Variants in IQGAP2 observed in about 807,000 individuals in gnomAD.
IQGAP2 encodes the protein ras GTPase-activating-like protein IQGAP2.
IQGAP2 carries 173 observed loss-of-function variants against 201.3 expected under a neutral mutation model. The ratio of observed to expected loss-of-function variants is 0.86; its 90% confidence interval spans 0.76 to 0.98. The LOEUF (loss-of-function observed/expected upper bound fraction) is 0.98. Among genes scored for constraint, IQGAP2 ranks in the 50% least tolerant of loss-of-function variants. The pLI, the probability that IQGAP2 is intolerant of heterozygous loss-of-function variation, is 0.00. For synonymous variants in IQGAP2, 675 were observed against 673.9 expected (o/e 1.00, Z -0.03); for missense variants, 1,687 against 1,864.8 (o/e 0.90, Z 1.76).
At position 76,623,286 on chromosome 5, in the gene IQGAP2, C is replaced by T. The variant is rs904459722; in HGVS notation, c.1522-4124C>T. 2.6e-5 allele frequency: 41 copies of T among 1,587,642 alleles called. 1 individual carries two copies. Among genetic ancestry groups the T allele is most frequent in the East Asian group, 2.0e-4 (9 of 44,760 alleles). The stretch of plus-strand genomic sequence containing the variant: ...TTATGAAATCTGTAAAATCATGGAG[C>T]ACAATTTCACCTCAGTTCCATGTGT... On this transcript the variant is annotated intron_variant, in intron 13 of 35. Coordinates refer to ENST00000274364, the MANE Select transcript of IQGAP2 (RefSeq NM_006633.5).
chr5:76,573,175 A>G (rs1015007894), intron 4 of IQGAP2, among the ~76,000 whole-genome samples: 1 of 152,242 alleles, frequency 6.6e-6, no homozygotes, highest in Non-Finnish European at 1.5e-5. Flanking sequence ...GCAACATCAA[A>G]TTCAGATAAT....
intron 13 of IQGAP2, chr5:76,618,732 A>G (rs1038273101): frequency 5.3e-6 from 6 of 1,125,260 alleles, no homozygotes; most frequent in Non-Finnish European, 7.6e-6. Flanking sequence ...CTGTGATTGT[A>G]GAATTTAAGA....
intron 16 of IQGAP2, among the ~76,000 whole-genome samples, chr5:76,639,909 A>G (rs1751433801): frequency 6.6e-6 from 1 of 152,248 alleles, no homozygotes; most frequent in African/African-American, 2.4e-5. Flanking sequence ...TTATAGACAT[A>G]CTAAAAATTT....
chr5:76,587,258 T>C (rs962892596), intron 5 of IQGAP2, among the ~76,000 whole-genome samples: 5 of 152,226 alleles, frequency 3.3e-5, no homozygotes, highest in Admixed American at 1.3e-4. Context: ...TAAGATCACA[T>C]TTGGACAGTA....
chr5:76,424,332 G>A (rs559013066), intron 1 of IQGAP2, among the ~76,000 whole-genome samples: 4 of 151,224 alleles, frequency 2.6e-5, no homozygotes, highest in African/African-American at 7.3e-5. Flanking sequence ...TTTTTGAGAC[G>A]AAGTTTTGCT....
At chr5:76,543,965 T>G (rs757661337) in intron 2 of IQGAP2, among the ~76,000 whole-genome samples, 2 of 152,192 alleles carry the variant, frequency 1.3e-5, no homozygotes, top group Non-Finnish European at 2.9e-5. Context: ...GGTACTTAAC[T>G]ATCTGTCTGG....
chr5:76,664,945 TG>T, intron 21 of IQGAP2, 80 bp from the exon 22 acceptor site: 1 of 786,358 alleles, frequency 1.3e-6, no homozygotes, highest in Admixed American at 2.4e-5. Context: ...TCCAATTACG[TG>T]TGTTTCAATC....
intron 1 of IQGAP2, among the ~76,000 whole-genome samples, chr5:76,459,253 C>T (rs1049773803): frequency 2.0e-5 from 3 of 152,010 alleles, no homozygotes; most frequent in African/African-American, 4.8e-5. Flanking sequence ...GGGCAGAGGC[C>T]GAGGGACGGG....
chr5:76,676,634 G>A lies in IQGAP2; in HGVS notation c.3528-584G>A, dbSNP rs553972097. On this transcript the variant is annotated intron_variant, in intron 27 of 35. Transcript: ENST00000274364. ...TTTAGCTTAAAATAGACTTTTTAGGGTCTGAGTCCTGGGACATGTTATGTA... is the reference window on the plus strand; with the variant it reads ...TTTAGCTTAAAATAGACTTTTTAGGATCTGAGTCCTGGGACATGTTATGTA... Among the ~76,000 whole-genome samples, 27 of 152,276 alleles carry A rather than the reference G, an allele frequency of 1.8e-4. No homozygotes were observed. The South Asian group carries it at 5.2e-3, about 29-fold the overall frequency.
chr5:76,441,607 A>C, intron 1 of IQGAP2: 2 of 715,408 alleles, frequency 2.8e-6, no homozygotes, highest in Non-Finnish European at 3.4e-6. Context: ...GCTGATTTTC[A>C]CTTCTGGTTC....
At chr5:76,637,798 A>G (rs1198162182) in intron 16 of IQGAP2, among the ~76,000 whole-genome samples, 3 of 152,224 alleles carry the variant, frequency 2.0e-5, no homozygotes, top group African/African-American at 4.8e-5. Flanking sequence ...AAACATCACA[A>G]TTGAGTGTAT....
chr5:76,559,508 G>A (rs1744187214), intron 2 of IQGAP2, among the ~76,000 whole-genome samples: 1 of 152,184 alleles, frequency 6.6e-6, no homozygotes, highest in South Asian at 2.1e-4. Flanking sequence ...AGCTTCACGG[G>A]AAGGCCCAGC....
intron 13 of IQGAP2, among the ~76,000 whole-genome samples, chr5:76,626,595 T>TA (rs1172871633): frequency 6.6e-6 from 1 of 152,098 alleles, no homozygotes; most frequent in Non-Finnish European, 1.5e-5. Flanking sequence ...ATCTGTCTCT[T>TA]ACACTACATT....
intron 2 of IQGAP2, among the ~76,000 whole-genome samples, chr5:76,508,240 A>G (rs1469440552): frequency 1.3e-5 from 2 of 149,302 alleles, no homozygotes; most frequent in South Asian, 2.2e-4. Context: ...AGGCTGAGGC[A>G]TGAGAATTGC....
chr5:76,511,894 A>G (rs1459872472), intron 2 of IQGAP2, among the ~76,000 whole-genome samples: 1 of 151,784 alleles, frequency 6.6e-6, no homozygotes, highest in Non-Finnish European at 1.5e-5. Flanking sequence ...TTTAGCCAGG[A>G]TGGTCTCGAT....
At chr5:76,519,621 G>C (rs1297049036) in intron 2 of IQGAP2, among the ~76,000 whole-genome samples, 1 of 152,202 alleles carries the variant, frequency 6.6e-6, no homozygotes, top group Non-Finnish European at 1.5e-5. Context: ...CCATTTTCCA[G>C]GATGGCCGTG....
At chr5:76,430,373 G>C (rs563400675) in intron 1 of IQGAP2, among the ~76,000 whole-genome samples, 1 of 152,256 alleles carries the variant, frequency 6.6e-6, no homozygotes, top group East Asian at 1.9e-4. Flanking sequence ...CCTGGGGTGG[G>C]ATGACTCGAA....
intron 1 of IQGAP2, among the ~76,000 whole-genome samples, chr5:76,444,739 G>A (rs774201470): frequency 1.3e-5 from 2 of 152,174 alleles, no homozygotes. Flanking sequence ...CTTGGCAGTC[G>A]AAGAAGTAAA....
intron 1 of IQGAP2, among the ~76,000 whole-genome samples, chr5:76,428,334 C>A (rs1752129887): frequency 6.6e-6 from 1 of 151,938 alleles, no homozygotes; most frequent in Non-Finnish European, 1.5e-5. Flanking sequence ...GTATTGGGCA[C>A]CACGTGAAGT....
Sources: allele counts gnomAD v4.1 joint callset (sites outside exome capture counted in the v4.1 genomes callset), GRCh38; gene constraint gnomAD v4.1.1; transcripts MANE v1.5; gene names NCBI Gene and HGNC (gene_info 2026-07-23, HGNC 2026-07-21).